FRMPD2: variants seen among roughly 807,000 people sequenced by gnomAD.
FRMPD2 encodes the protein FERM and PDZ domain-containing protein 2.
Under a neutral mutation model 140.1 loss-of-function variants are expected in FRMPD2, and 96 were observed. The ratio of observed to expected loss-of-function variants is 0.69; its 90% CI spans 0.58 to 0.81. The LOEUF (loss-of-function observed/expected upper bound fraction) is 0.81, where lower values mean the gene tolerates loss of function less well. FRMPD2 is among the 40% of genes least tolerant of loss of function. The pLI, the probability that FRMPD2 is intolerant of heterozygous loss-of-function variation, is 0.00. For synonymous variants in FRMPD2, 449 were observed against 547.6 expected (o/e 0.82, Z 2.52); for missense variants, 1,240 against 1,447.4 (o/e 0.86, Z 2.32).
chr10:48,182,640 A>G (rs1838579661), intron 20 of FRMPD2, among the ~76,000 whole-genome samples: 1 of 152,206 alleles, frequency 6.6e-6, no homozygotes, highest in South Asian at 2.1e-4. Flanking sequence ...GCATTGCCAA[A>G]AGGTGGCTGG....
intron 23 of FRMPD2, chr10:48,175,293 C>G: frequency 1.7e-6 from 1 of 599,332 alleles, no homozygotes; most frequent in Non-Finnish European, 2.6e-6. Flanking sequence ...TTTATATCTC[C>G]AGCATGTATT....
chr10:48,231,486 C>G (rs529515537), intron 10 of FRMPD2, among the ~76,000 whole-genome samples: 4 of 152,304 alleles, frequency 2.6e-5, no homozygotes, highest in African/African-American at 9.6e-5. Context: ...AACCAATCAC[C>G]TTTTTGTTTC....
intron 10 of FRMPD2, among the ~76,000 whole-genome samples, chr10:48,224,775 T>C (rs1421462943): frequency 6.6e-6 from 1 of 151,890 alleles, no homozygotes; most frequent in Non-Finnish European, 1.5e-5. Flanking sequence ...AGAAGGCAGG[T>C]AGGAGATAAG....
intron 16 of FRMPD2, among the ~76,000 whole-genome samples, chr10:48,188,788 G>A (rs943890646): frequency 6.6e-6 from 1 of 152,186 alleles, no homozygotes; most frequent in African/African-American, 2.4e-5. Flanking sequence ...ATGTGATCTG[G>A]GCCACACATG....
At chr10:48,160,274 A>C (rs1215511834) in intron 28 of FRMPD2, among the ~76,000 whole-genome samples, 1 of 151,698 alleles carries the variant, frequency 6.6e-6, no homozygotes, top group Non-Finnish European at 1.5e-5. Context: ...AGAGTGTGAG[A>C]AAAGAGAACA....
rs572901077 is a variant in FRMPD2 at position 48,270,772 on chromosome 10, C to T, written c.25+3771G>A. 5.3e-5 allele frequency among the ~76,000 whole-genome samples: 8 copies of T among 152,168 alleles called. No homozygotes were observed. The East Asian group carries it at 1.4e-3, about 26-fold the overall frequency. Reference sequence around the variant, plus strand: ...CATTCCCACCACCTAACCCCTCAAGCCAAACATTCAGACGACATTTTTGTC... The same window carrying T: ...CATTCCCACCACCTAACCCCTCAAGTCAAACATTCAGACGACATTTTTGTC... On this transcript the variant is annotated intron_variant, in intron 1 of 28. Transcript: ENST00000374201.
rs1242199415 is a variant in FRMPD2, at chr10:48,272,062, TG to T, written c.25+2480del. Among the ~76,000 whole-genome samples the T allele has an allele frequency of 5.9e-5, 9 of 152,372 alleles. No homozygotes were observed. In the East Asian group the frequency reaches 1.5e-3, roughly 26 times the overall value. On this transcript the variant is annotated intron_variant, in intron 1 of 28. Transcript: ENST00000374201. Reference sequence around the variant, plus strand: ...AATGGAGCTGCAGGTAGCATTGTCCTGGGCTGCACACCGCAGCCCTTGCTAT... The same window carrying T: ...AATGGAGCTGCAGGTAGCATTGTCCTGGCTGCACACCGCAGCCCTTGCTAT...
chr10:48,273,475 C>T (rs1371833609), intron 1 of FRMPD2, among the ~76,000 whole-genome samples: 2 of 152,190 alleles, frequency 1.3e-5, no homozygotes, highest in South Asian at 2.1e-4. Context: ...CCAGAGCATG[C>T]TTTACTTATT....
At chr10:48,193,209 G>C (rs541313663) in intron 15 of FRMPD2, among the ~76,000 whole-genome samples, 19 of 152,274 alleles carry the variant, frequency 1.2e-4, no homozygotes, top group African/African-American at 4.6e-4. Context: ...GTCGGGCTCC[G>C]GCCGAGCCTC....
At chr10:48,226,007 G>C (rs1483451703) in intron 10 of FRMPD2, among the ~76,000 whole-genome samples, 1 of 152,172 alleles carries the variant, frequency 6.6e-6, no homozygotes, top group Non-Finnish European at 1.5e-5. Flanking sequence ...GGTTGTTTGT[G>C]TACAGAATTT....
intron 14 of FRMPD2, among the ~76,000 whole-genome samples, chr10:48,203,518 A>G (rs987344570): frequency 6.6e-6 from 1 of 152,098 alleles, no homozygotes; most frequent in Non-Finnish European, 1.5e-5. Context: ...GGTGGGCGCC[A>G]TTACTCTTGC....
intron 17 of FRMPD2, 92 bp from the exon 18 acceptor site, chr10:48,185,737 C>T (rs1038746956): frequency 2.7e-5 from 24 of 875,332 alleles, no homozygotes; most frequent in African/African-American, 1.5e-4. Flanking sequence ...CACACACATG[C>T]GCGCACACAC....
Position 48,184,694 on chromosome 10 carries a change from A to G in FRMPD2, c.2468-12T>C, listed in dbSNP as rs1357050091. The G allele has an allele frequency of 6.2e-7, 1 of 1,601,668 alleles. No homozygotes were observed. The highest frequency in any genetic ancestry group is 1.1e-5 in the South Asian group (1 of 90,308). ...TAGTATCTGCCCTCCTAGAAAAATAAAACATCTCAATAATCCTTCAAGGAA... is the reference window on the plus strand; with the variant it reads ...TAGTATCTGCCCTCCTAGAAAAATAGAACATCTCAATAATCCTTCAAGGAA... On this transcript the variant is annotated splice_polypyrimidine_tract_variant and intron_variant, in intron 19 of 28. Transcript: ENST00000374201.
intron 1 of FRMPD2, among the ~76,000 whole-genome samples, chr10:48,272,764 A>T (rs1190634000): frequency 2.0e-5 from 3 of 152,252 alleles, no homozygotes; most frequent in Non-Finnish European, 4.4e-5. Context: ...TGTGAATAAC[A>T]CAAAAATTGG....
Position 48,232,063 on chromosome 10 carries a change from C to T in FRMPD2, c.1168+52G>A. On this transcript the variant is annotated intron_variant, in intron 10 of 28. Coordinates refer to ENST00000374201, the MANE Select transcript of FRMPD2 (RefSeq NM_001018071.4). ...AAACAGAGCTCAGGTACCCAGATAC[C>T]TGGGTTACCAGAGGCACCAGGCCAG... The T allele has an allele frequency of 3.2e-6, 5 of 1,556,828 alleles. No individual in the cohort carries two copies. The East Asian group carries it at 6.7e-5, about 21-fold the overall frequency.
intron 15 of FRMPD2, among the ~76,000 whole-genome samples, chr10:48,197,209 C>T (rs541834363): frequency 1.6e-4 from 24 of 152,276 alleles, no homozygotes; most frequent in African/African-American, 5.5e-4. Flanking sequence ...CCTGGGCCAG[C>T]CCCAGGACCC....
chr10:48,258,730 A>G (rs1379406367), intron 1 of FRMPD2, among the ~76,000 whole-genome samples: 1 of 152,204 alleles, frequency 6.6e-6, no homozygotes, highest in Non-Finnish European at 1.5e-5. Context: ...CCGTTTTCCC[A>G]GTGTTTGCCA....
intron 15 of FRMPD2, among the ~76,000 whole-genome samples, chr10:48,195,311 G>A (rs763166270): frequency 1.3e-5 from 2 of 152,208 alleles, no homozygotes; most frequent in Non-Finnish European, 2.9e-5. Context: ...ATTTGTAAAA[G>A]CTCAGTGATC....
intron 16 of FRMPD2, among the ~76,000 whole-genome samples, chr10:48,188,310 A>G (rs866345119): frequency 7.2e-5 from 11 of 152,192 alleles, no homozygotes; most frequent in African/African-American, 2.4e-4. Flanking sequence ...CACTGTGCAA[A>G]GAGGCTGCAG....
Sources: gnomAD v4.1 joint callset for allele counts (sites outside exome capture counted in the v4.1 genomes callset) on GRCh38, gnomAD v4.1.1 for gene constraint, MANE v1.5 for transcripts, NCBI Gene and HGNC (gene_info 2026-07-23, HGNC 2026-07-21) for gene names.